The following PXDNL variants were observed in gnomAD, a reference collection of about 807,000 sequenced individuals.
PXDNL encodes peroxidasin like, also known as probable oxidoreductase PXDNL.
PXDNL carries 145 observed loss-of-function variants against 150.8 expected under a neutral mutation model. The observed-to-expected ratio is 0.96, with a 90% confidence interval of 0.84 to 1.10. The LOEUF is 1.10. PXDNL is among the 50% of genes least tolerant of loss of function. The pLI, the probability that PXDNL is intolerant of heterozygous loss-of-function variation, is 0.00. For synonymous variants in PXDNL, 757 were observed against 725.7 expected (o/e 1.04, Z -0.69); for missense variants, 2,087 against 1,873.9 (o/e 1.11, Z -2.10).
rs199681734 is a variant in PXDNL, at chr8:51,740,677, GT to G, written c.164+68503del. On this transcript the variant is annotated intron_variant, in intron 1 of 22. Transcript: ENST00000356297. ...CCTTTGCCCACTTTTTAATGGGGTT[GT>G]TTTTTTTTCTTGTAATTTTGTTTAA... Among the ~76,000 whole-genome samples, 885 of 150,578 alleles carry G rather than the reference GT, an allele frequency of 5.9e-3. 11 individuals carry two copies. Among genetic ancestry groups the G allele is most frequent in the African/African-American group, 0.018 (739 of 41,000 alleles).
At chr8:51,501,033 A>T (rs1480160613) in intron 4 of PXDNL, among the ~76,000 whole-genome samples, 1 of 152,174 alleles carries the variant, frequency 6.6e-6, no homozygotes, top group Non-Finnish European at 1.5e-5. Flanking sequence ...AATGAAAACC[A>T]TGTCACTGGA....
At chr8:51,536,301 A>G (rs1812077104) in intron 4 of PXDNL, among the ~76,000 whole-genome samples, 1 of 152,256 alleles carries the variant, frequency 6.6e-6, no homozygotes, top group African/African-American at 2.4e-5. Context: ...CTAAGTCTGC[A>G]TCTAGACTAT....
chr8:51,330,108 C>T (rs572722435), intron 21 of PXDNL, among the ~76,000 whole-genome samples: 1 of 152,218 alleles, frequency 6.6e-6, no homozygotes, highest in South Asian at 2.1e-4. Context: ...GAAGGATGCC[C>T]CCCTACACTG....
intron 1 of PXDNL, among the ~76,000 whole-genome samples, chr8:51,678,751 A>C (rs1050309140): frequency 6.6e-6 from 1 of 152,136 alleles, no homozygotes; most frequent in African/African-American, 2.4e-5. Context: ...TAGCATTGGG[A>C]TATATACCTA....
At chr8:51,765,400 C>A (rs994362626) in intron 1 of PXDNL, among the ~76,000 whole-genome samples, 6 of 152,138 alleles carry the variant, frequency 3.9e-5, no homozygotes, top group African/African-American at 1.4e-4. Context: ...CCCAGCCACG[C>A]AGAACTGTGA....
At chr8:51,502,063 A>G (rs1811196885) in intron 4 of PXDNL, among the ~76,000 whole-genome samples, 1 of 152,270 alleles carries the variant, frequency 6.6e-6, no homozygotes, top group Non-Finnish European at 1.5e-5. Flanking sequence ...CAAACTTAGC[A>G]TAAAGTAAAT....
intron 4 of PXDNL, among the ~76,000 whole-genome samples, chr8:51,526,483 TG>T (rs1563450396): frequency 6.6e-6 from 1 of 152,168 alleles, no homozygotes; most frequent in African/African-American, 2.4e-5. Context: ...CTAGAAGCGA[TG>T]TGAGAAAAAA....
intron 4 of PXDNL, among the ~76,000 whole-genome samples, chr8:51,537,219 T>C (rs1172667851): frequency 6.6e-6 from 1 of 152,158 alleles, no homozygotes; most frequent in East Asian, 1.9e-4. Flanking sequence ...CTCCTGAGAT[T>C]CTGATTCACC....
At chr8:51,435,603 T>C (rs75230190) in intron 12 of PXDNL, 107 of 175,092 alleles carry the variant, frequency 6.1e-4, no homozygotes, top group East Asian at 3.2e-3. Context: ...GGAGGCAAGA[T>C]GGCGGCAACC....
At chr8:51,778,958 T>C in intron 1 of PXDNL, among the ~76,000 whole-genome samples, 1 of 152,196 alleles carries the variant, frequency 6.6e-6, no homozygotes, top group East Asian at 1.9e-4. Flanking sequence ...GGAGGAACTT[T>C]TATGTTGCTG....
At chr8:51,780,969 T>C (rs1221999320) in intron 1 of PXDNL, among the ~76,000 whole-genome samples, 5 of 152,090 alleles carry the variant, frequency 3.3e-5, no homozygotes, top group Non-Finnish European at 4.4e-5. Context: ...CTCTGGGGCC[T>C]CTTTCATAGA....
chr8:51,518,350 C>A (rs1811589690), intron 4 of PXDNL, among the ~76,000 whole-genome samples: 1 of 152,144 alleles, frequency 6.6e-6, no homozygotes, highest in Non-Finnish European at 1.5e-5. Flanking sequence ...TTGGGAGAAT[C>A]AAGTGTTTCT....
intron 4 of PXDNL, among the ~76,000 whole-genome samples, chr8:51,533,728 C>T (rs1402108689): frequency 1.3e-5 from 2 of 150,982 alleles, no homozygotes; most frequent in Admixed American, 6.6e-5. Context: ...CGCGAGTGAT[C>T]CGCCAGCCTC....
At chr8:51,750,840 C>T (rs1176524863) in intron 1 of PXDNL, among the ~76,000 whole-genome samples, 9 of 152,144 alleles carry the variant, frequency 5.9e-5, no homozygotes, top group South Asian at 2.1e-4. Flanking sequence ...GTACTATCCG[C>T]GGTTTCGGGC....
intron 1 of PXDNL, among the ~76,000 whole-genome samples, chr8:51,700,695 T>A (rs963027211): frequency 6.6e-6 from 1 of 151,180 alleles, no homozygotes; most frequent in Non-Finnish European, 1.5e-5. Context: ...TGCATACACA[T>A]ACACACAGAC....
chr8:51,363,410 C>T lies in PXDNL; in HGVS notation c.3901+8463G>A, dbSNP rs574680082. ...TTCGCAAGACTCACGTCTGAAAAAC[C>T]GAGCTCTCTGAGTGAGCAATTCCTG... is the stretch of plus-strand genomic sequence containing the variant. On this transcript the variant is annotated intron_variant, in intron 19 of 22. Transcript: ENST00000356297. Among the ~76,000 whole-genome samples the T allele has an allele frequency of 1.1e-3, 173 of 152,162 alleles. 2 individuals carry two copies. The highest frequency in any genetic ancestry group is 2.8e-4 in the Non-Finnish European group (19 of 68,010).
chr8:51,744,732 G>GAAAGAGAAAAGA (rs1374034154), intron 1 of PXDNL, among the ~76,000 whole-genome samples: 3 of 1,498 alleles, frequency 2.0e-3, no homozygotes, highest in Non-Finnish European at 5.4e-3. Context: ...AAAAAGAAAA[G>GAAAGAGAAAAGA]AAAGAAAGAG....
At chr8:51,683,052 T>C (rs1423352936) in intron 1 of PXDNL, among the ~76,000 whole-genome samples, 1 of 151,100 alleles carries the variant, frequency 6.6e-6, no homozygotes, top group Non-Finnish European at 1.5e-5. Flanking sequence ...ATTTTTAATT[T>C]TCTGAGGAAT....
At chr8:51,554,102 C>T (rs1210943370) in intron 4 of PXDNL, among the ~76,000 whole-genome samples, 2 of 152,120 alleles carry the variant, frequency 1.3e-5, no homozygotes, top group Non-Finnish European at 2.9e-5. Flanking sequence ...AGTTTAAAGA[C>T]TTATCGTGTG....
Sources: allele counts gnomAD v4.1 joint callset (sites outside exome capture counted in the v4.1 genomes callset), GRCh38; gene constraint gnomAD v4.1.1; transcripts MANE v1.5; gene names NCBI Gene and HGNC (gene_info 2026-07-23, HGNC 2026-07-21).